KCP: variants seen among roughly 807,000 people sequenced by gnomAD.
The protein encoded by KCP is kielin cysteine rich BMP regulator.
Under a neutral mutation model 212.7 loss-of-function variants are expected in KCP, and 194 were observed. The observed-to-expected ratio is 0.91, with a 90% CI of 0.81 to 1.03. KCP has a LOEUF of 1.03. Ranked by LOEUF, KCP falls within the 50% of genes least tolerant of loss-of-function variation. The pLI, the probability that KCP is intolerant of heterozygous loss-of-function variation, is 0.00. For missense variants in KCP, 2,080 were observed against 2,162.5 expected (o/e 0.96, Z 0.76); for synonymous variants, 833 against 865.3 (o/e 0.96, Z 0.65).
chr7:128,887,619 A>C (rs1455485972), intron 22 of KCP, among the ~76,000 whole-genome samples: 22 of 147,248 alleles, frequency 1.5e-4, no homozygotes, highest in Non-Finnish European at 2.6e-4. Flanking sequence ...ACACCCCCCC[A>C]CACACAGCCA....
At chr7:128,887,185 G>T in intron 23 of KCP, 30 bp downstream of exon 23, 1 of 1,542,730 alleles carries the variant, frequency 6.5e-7, no homozygotes, top group South Asian at 1.2e-5. Flanking sequence ...GGGAGGAAAG[G>T]TTACCAAGGT....
rs1450263324 is a variant in KCP, at chr7:128,887,428, C to CACAT, written c.2513-132_2513-129dup. ...ACAGACACACACATAGCCACACACA[C>CACAT]ACATACCCATATACACAGCCACACC... On this transcript the variant is annotated intron_variant, in intron 22 of 39. Coordinates refer to ENST00000610776, the MANE Select transcript of KCP (RefSeq NM_001366122.1). 5.5e-6 allele frequency: 4 copies of CACAT among 727,434 alleles called. No individual in the cohort carries two copies. In the African/African-American group the frequency reaches 7.0e-5, roughly 13 times the overall value. 45.1% of individuals were successfully genotyped at this position (727,434 alleles called of 1,614,324 possible).
intron 37 of KCP, chr7:128,878,954 T>C (rs889678528): frequency 1.9e-6 from 1 of 520,738 alleles, no homozygotes. Flanking sequence ...CCACAGCTCC[T>C]GCATGAGGGC....
At chr7:128,893,201 C>T (rs965922316) in intron 13 of KCP, 37 bp downstream of exon 13, 12 of 1,539,084 alleles carry the variant, frequency 7.8e-6, no homozygotes, top group Admixed American at 2.0e-5. Context: ...TCAGAGGCAG[C>T]GCCCATAGCA....
rs1183493963 is a variant in KCP at position 128,886,981 on chromosome 7, C to A, written c.2599-15G>T. 7 of 1,346,462 alleles carry A rather than the reference C, an allele frequency of 5.2e-6. No individual in the cohort carries two copies. Among genetic ancestry groups the A allele is most frequent in the Non-Finnish European group, 7.3e-6 (7 of 964,226 alleles). The allele number at this position is 1,346,462 out of a possible 1,614,324, so 83.4% of individuals were successfully genotyped here. ...ATGGAACCTTCCTGGGGGAGAGAGG[C>A]CCATCACACCCTCAACTGGACTGCA... On this transcript the variant is annotated splice_polypyrimidine_tract_variant and intron_variant, in intron 23 of 39. Transcript: ENST00000610776.
chr7:128,888,246 T>TCA (rs759484149), intron 22 of KCP, among the ~76,000 whole-genome samples: 5 of 88,948 alleles, frequency 5.6e-5, no homozygotes, highest in Admixed American at 2.2e-4. Flanking sequence ...ACACATACGG[T>TCA]CACACACACA....
chr7:128,890,989 C>T lies in KCP; in HGVS notation c.2080G>A (p.Gly694Ser). The change falls in exon 20 of 40, where the codon GGC becomes AGC. Residue 694 changes from glycine to serine, a missense_variant. Gly to Ser is a moderately conservative substitution (Grantham distance 56, BLOSUM62 0). Coordinates refer to ENST00000610776, the MANE Select transcript of KCP (RefSeq NM_001366122.1). The part of the protein sequence containing the change: ...DPCRRCLCLD[G>S]SVSCQRLPCP... ...GGCAGCCGCTGGCAGGACACGGAGC[C>T]GTCGAGGCAGAGGCAGCGGCGGCAG... 3 of 1,327,384 alleles carry T rather than the reference C, an allele frequency of 2.3e-6. No homozygotes were observed. The highest frequency in any genetic ancestry group is 1.9e-6 in the Non-Finnish European group (2 of 1,045,022). 82.2% of individuals were successfully genotyped at this position (1,327,384 alleles called of 1,614,324 possible).
Position 128,907,145 on chromosome 7 carries a change from C to T in KCP, c.442G>A (p.Gly148Arg), listed in dbSNP as rs923334798. ...CAGGCATCTGGGGAGAAGGTCTCCC[C>T]GTTGCCGTAGGTCTGGCCATTTTGG... ...CSQNGQTYGN[G>R]ETFSPDACTT... is the part of the protein sequence containing the mutation. The change falls in exon 4 of 40, where the codon GGG becomes AGG. Residue 148 changes from glycine to arginine, a missense_variant. Transcript: ENST00000610776. 24 of 1,551,420 alleles carry T rather than the reference C, an allele frequency of 1.5e-5. No individual in the cohort carries two copies. The highest frequency in any genetic ancestry group is 4.9e-5 in the East Asian group (2 of 40,924).
intron 24 of KCP, 41 bp downstream of exon 24, chr7:128,886,835 G>A (rs1056609016): frequency 1.2e-5 from 17 of 1,404,384 alleles, no homozygotes; most frequent in Admixed American, 4.0e-5. Flanking sequence ...AGGGAGAGGC[G>A]GGGAAGGGCA....
chr7:128,878,310 G>A (rs1563016723), intron 38 of KCP, among the ~76,000 whole-genome samples: 2 of 152,000 alleles, frequency 1.3e-5, no homozygotes, highest in African/African-American at 4.8e-5. Flanking sequence ...CACCCACCTC[G>A]GCATCCCAAA....
At position 128,893,522 on chromosome 7, in the gene KCP, G is replaced by C. The variant is rs773784190; in HGVS notation, c.1100-46C>G. 101 of 1,402,452 alleles carry C rather than the reference G, an allele frequency of 7.2e-5. 3 individuals are homozygous for C. In the South Asian group the frequency reaches 1.2e-3, roughly 17 times the overall value. The allele number at this position is 1,402,452 out of a possible 1,614,324, so 86.9% of individuals were successfully genotyped here. A position where few individuals can be genotyped will look rare whatever the true frequency, so the allele number is the denominator to read the frequency against. On this transcript the variant is annotated intron_variant, in intron 11 of 39. Transcript: ENST00000610776. ...GTGGGGGTATAGGGCTGGAGGCAGA[G>C]GGGAAGCTTCACGTCACCCTGAGGT...
Position 128,907,268 on chromosome 7 carries a change from G to T in KCP, c.405C>A (p.Cys135Ter), listed in dbSNP as rs1795171400. The change falls in exon 3 of 40, where the codon TGC (cysteine) becomes TGA (stop). Residue 135 changes from cysteine to a stop codon, truncating the protein, a stop_gained. Transcript: ENST00000610776. LOFTEE classifies it high-confidence loss of function. ...GGCGGATAGGGTGGCACTTACCCCT[G>T]CAATGGGGCAGGTGTGCTTGGGGGC... ...HCGPQAHLPH[C>*]RGCSQNGQTY... The T allele has an allele frequency of 6.5e-7, 1 of 1,533,358 alleles. No homozygotes were observed. Among genetic ancestry groups the T allele is most frequent in the Non-Finnish European group, 8.8e-7 (1 of 1,132,670 alleles). The allele number at this position is 1,533,358 out of a possible 1,614,324, so 95.0% of individuals were successfully genotyped here. A position where few individuals can be genotyped will look rare whatever the true frequency, so the allele number is the denominator to read the frequency against.
intron 39 of KCP, 25 bp downstream of exon 39, chr7:128,877,459 C>A (rs745521883): frequency 2.3e-5 from 36 of 1,549,282 alleles, no homozygotes; most frequent in Non-Finnish European, 3.1e-5. Context: ...CCTCCCCCAA[C>A]CTGCAGCGGG....
intron 26 of KCP, among the ~76,000 whole-genome samples, chr7:128,885,574 C>A (rs1793601097): frequency 1.3e-5 from 2 of 152,236 alleles, no homozygotes; most frequent in African/African-American, 4.8e-5. Flanking sequence ...GCAGCTGTGT[C>A]ATAAATGCAT....
rs7786641 is a variant in KCP at position 128,880,387 on chromosome 7, G to C, written c.3758C>G (p.Pro1253Arg). ...SQRCSPLSCG[P>R]DKAPALSPGS... ...ACCATTTTAGATTGCGGCACTCACG[G>C]GGCCACACGAGAGCGGTGAGCAGCG... The change falls in exon 34 of 40, where the codon CCC (proline) becomes CGC (arginine). Residue 1253 changes from proline to arginine, a missense_variant and splice_region_variant. Pro to Arg is a moderately radical substitution (Grantham distance 103). Coordinates refer to ENST00000610776, the MANE Select transcript of KCP (RefSeq NM_001366122.1). 10,942 of 1,528,140 alleles carry C rather than the reference G, an allele frequency of 7.2e-3. 368 individuals are homozygous for C. Among genetic ancestry groups the C allele is most frequent in the South Asian group, 0.067 (5,394 of 80,784 alleles). The allele number at this position is 1,528,140 out of a possible 1,614,324, so 94.7% of individuals were successfully genotyped here.
chr7:128,891,767 G>C lies in KCP; in HGVS notation c.1674C>G (p.Pro558=). The change falls in exon 17 of 40, where the codon CCC becomes CCG. Residue 558 remains proline (P), a synonymous_variant. Coordinates refer to ENST00000610776, the MANE Select transcript of KCP (RefSeq NM_001366122.1). ...ATCGGCACTCCTGGCAGGGGTCTCGGGGGTGGGAGAAGCTCTCGCCGTCCA... is the reference window on the plus strand; with the variant it reads ...ATCGGCACTCCTGGCAGGGGTCTCGCGGGTGGGAGAAGCTCTCGCCGTCCA... ...VFVDGESFSH[P]RDPCQECRCQ... is the part of the protein sequence containing the mutation. 1 of 1,451,026 alleles carries C rather than the reference G, an allele frequency of 6.9e-7. No individual in the cohort carries two copies. Among genetic ancestry groups the C allele is most frequent in the South Asian group, 1.5e-5 (1 of 67,864 alleles). 89.9% of individuals were successfully genotyped at this position (1,451,026 alleles called of 1,614,324 possible).
At chr7:128,903,565 A>T (rs1187090484) in intron 7 of KCP, among the ~76,000 whole-genome samples, 162 bp downstream of exon 7, 1 of 152,182 alleles carries the variant, frequency 6.6e-6, no homozygotes, top group East Asian at 1.9e-4. Context: ...TGAGGAAGAG[A>T]GTCACACAAG....
intron 22 of KCP, among the ~76,000 whole-genome samples, chr7:128,887,769 C>CCA (rs771777083): frequency 1.4e-5 from 2 of 144,972 alleles, no homozygotes; most frequent in African/African-American, 5.1e-5. Flanking sequence ...AAACACACAG[C>CCA]CACACACACA....
chr7:128,890,476 C>T lies in KCP; in HGVS notation c.2202G>A (p.Glu734=). The T allele has an allele frequency of 6.4e-7, 1 of 1,550,576 alleles. No homozygotes were observed. The highest frequency in any genetic ancestry group is 8.7e-7 in the Non-Finnish European group (1 of 1,146,924). The change falls in exon 21 of 40, where the codon GAG becomes GAA. Residue 734 remains glutamate (E), a synonymous_variant. Transcript: ENST00000610776. Reference sequence around the variant, plus strand: ...AGGCAGCAGTGGGCGATGGGAAGCGCTCCCCGCTGGCAAACTCCTTCCCCT... The same window carrying T: ...AGGCAGCAGTGGGCGATGGGAAGCGTTCCCCGCTGGCAAACTCCTTCCCCT... ...LYQGKEFASG[E]RFPSPTAACH... is the part of the protein sequence containing the mutation.
Sources: allele counts gnomAD v4.1 joint callset (sites outside exome capture counted in the v4.1 genomes callset), GRCh38; gene constraint gnomAD v4.1.1; transcripts MANE v1.5; gene names NCBI Gene and HGNC (gene_info 2026-07-23, HGNC 2026-07-21).